The following AHNAK variants were observed in gnomAD, a reference collection of about 807,000 sequenced individuals.
AHNAK encodes the protein neuroblast differentiation-associated protein AHNAK.
A neutral mutation model predicts 37.8 loss-of-function variants in AHNAK; 23 were observed. The observed-to-expected ratio is 0.61, with a 90% confidence interval of 0.44 to 0.86. AHNAK has a LOEUF of 0.86. Ranked by LOEUF, AHNAK falls within the 40% of genes least tolerant of loss-of-function variation. The pLI is 0.00. For missense variants in AHNAK, 7,411 were observed against 7,319.4 expected (o/e 1.01, Z -0.46); for synonymous variants, 2,481 against 2,636.3 (o/e 0.94, Z 1.80).
At chr11:62,478,032 AG>A (rs1458963778) in intron 5 of AHNAK, among the ~76,000 whole-genome samples, 5 of 152,108 alleles carry the variant, frequency 3.3e-5, no homozygotes, top group Non-Finnish European at 7.4e-5. Context: ...CCAAGAGCAA[AG>A]GGAAGTCAGG....
intron 5 of AHNAK, among the ~76,000 whole-genome samples, chr11:62,450,200 G>A (rs1938506117): frequency 6.6e-6 from 1 of 150,782 alleles, no homozygotes; most frequent in Admixed American, 6.6e-5. Flanking sequence ...TTGTCATCCA[G>A]GCTGCAGTGC....
intron 5 of AHNAK, among the ~76,000 whole-genome samples, chr11:62,445,676 AC>A (rs2039887956): frequency 6.6e-6 from 1 of 152,114 alleles, no homozygotes; most frequent in Non-Finnish European, 1.5e-5. Flanking sequence ...CCACGATTGT[AC>A]CTCTGCACTC....
Position 62,524,300 on chromosome 11 carries a change from C to T in AHNAK, c.10117G>A (p.Gly3373Ser). 6.2e-7 allele frequency: 1 copy of T among 1,613,776 alleles called. No homozygotes were observed. The highest frequency in any genetic ancestry group is 8.5e-7 in the Non-Finnish European group (1 of 1,179,972). ...GTTATGTCAATATCTGGCTTTTTAC[C>T]TTTGACATCCACTTCAGGTGTCTGA... ...KVQTPEVDVKGKKPDIDITGP... is the reference protein window; with the variant it reads ...KVQTPEVDVKSKKPDIDITGP... Residue 3373 changes from glycine (G) to serine (S), a missense_variant, in exon 5 of 5, where the codon GGT (glycine) becomes AGT (serine). Coordinates refer to ENST00000378024, the MANE Select transcript of AHNAK (RefSeq NM_001620.3).
intron 5 of AHNAK, among the ~76,000 whole-genome samples, chr11:62,463,779 T>G (rs1938843368): frequency 6.6e-6 from 1 of 152,020 alleles, no homozygotes; most frequent in South Asian, 2.1e-4. Flanking sequence ...TTTGTTTTTT[T>G]GGGAGACAGA....
intron 5 of AHNAK, among the ~76,000 whole-genome samples, chr11:62,449,246 T>A (rs1938482828): frequency 6.6e-6 from 1 of 152,192 alleles, no homozygotes; most frequent in Non-Finnish European, 1.5e-5. Flanking sequence ...AGCTATGCTC[T>A]CTCCTTCCGT....
intron 1 of AHNAK, among the ~76,000 whole-genome samples, chr11:62,545,050 A>G (rs1004108435): frequency 2.0e-5 from 3 of 152,202 alleles, no homozygotes; most frequent in African/African-American, 7.2e-5. Flanking sequence ...ACAGAGGTAG[A>G]TATCTCGGTC....
intron 5 of AHNAK, among the ~76,000 whole-genome samples, chr11:62,489,650 G>A (rs990388834): frequency 3.9e-5 from 6 of 152,110 alleles, no homozygotes; most frequent in African/African-American, 1.2e-4. Flanking sequence ...CGGTAAGGAC[G>A]GGGATGGAGA....
At chr11:62,438,692 T>G (rs1053145497) in intron 5 of AHNAK, among the ~76,000 whole-genome samples, 2 of 152,184 alleles carry the variant, frequency 1.3e-5, no homozygotes, top group East Asian at 3.8e-4. Context: ...ATTTTTCTTC[T>G]GTGGTTAGTG....
intron 5 of AHNAK, among the ~76,000 whole-genome samples, chr11:62,470,315 ATG>A (rs1939008014): frequency 6.6e-6 from 1 of 152,096 alleles, no homozygotes; most frequent in South Asian, 2.1e-4. Context: ...GCATGGTGGC[ATG>A]CGCCTGTAAT....
rs780911345 is a variant in AHNAK at position 62,523,691 on chromosome 11, C to G, written c.10726G>C (p.Glu3576Gln). 6.2e-7 allele frequency: 1 copy of G among 1,613,788 alleles called. No individual in the cohort carries two copies. The highest frequency in any genetic ancestry group is 8.5e-7 in the Non-Finnish European group (1 of 1,179,948). Residue 3576 changes from glutamate to glutamine, a missense_variant, in exon 5 of 5, where the codon GAG (glutamate) becomes CAG (glutamine). Coordinates refer to ENST00000378024, the MANE Select transcript of AHNAK (RefSeq NM_001620.3). ...ACTTTAGGGCCTTTGATATCAACCT[C>G]TGGCCCTTTCAGATCCCCTTCAAGT... The part of the protein sequence containing the change: ...PKLEGDLKGP[E>Q]VDIKGPKVDI...
chr11:62,527,417 C>A lies in AHNAK; in HGVS notation c.7000G>T (p.Ala2334Ser), dbSNP rs1940537389. 1 of 1,614,180 alleles carries A rather than the reference C, an allele frequency of 6.2e-7. No individual in the cohort carries two copies. Among genetic ancestry groups the A allele is most frequent in the Non-Finnish European group, 8.5e-7 (1 of 1,180,020 alleles). ...TTTAACTCTCCCTCCAGCTTTGGGGCAGAAACATCAACATCTCCTTTGATT... is the reference window on the plus strand; with the variant it reads ...TTTAACTCTCCCTCCAGCTTTGGGGAAGAAACATCAACATCTCCTTTGATT... ...PKIKGDVDVSAPKLEGELKGP... is the reference protein window; with the variant it reads ...PKIKGDVDVSSPKLEGELKGP... Residue 2334 changes from alanine (A) to serine (S), a missense_variant, in exon 5 of 5, where the codon GCC becomes TCC. Ala to Ser is a moderately conservative substitution (Grantham distance 99). Coordinates refer to ENST00000378024, the MANE Select transcript of AHNAK (RefSeq NM_001620.3).
rs771468446 is a variant in AHNAK at position 62,530,698 on chromosome 11, G to A, written c.3719C>T (p.Ala1240Val). Reference protein sequence around the residue: ...EIKGPKMDIDAPDVEVQGPDW... With the variant: ...EIKGPKMDIDVPDVEVQGPDW... ...TGGGCCTTGAACCTCCACATCTGGGGCATCAATGTCCATTTTGGGTCCTTT... is the reference window on the plus strand; with the variant it reads ...TGGGCCTTGAACCTCCACATCTGGGACATCAATGTCCATTTTGGGTCCTTT... Residue 1240 changes from alanine (A) to valine (V), a missense_variant, in exon 5 of 5, where the codon GCC becomes GTC. Transcript: ENST00000378024. 6.2e-7 allele frequency: 1 copy of A among 1,613,468 alleles called. No individual in the cohort carries two copies. The highest frequency in any genetic ancestry group is 1.1e-5 in the South Asian group (1 of 91,052).
At chr11:62,465,574 T>C (rs941914982) in intron 5 of AHNAK, among the ~76,000 whole-genome samples, 6 of 151,804 alleles carry the variant, frequency 4.0e-5, no homozygotes, top group East Asian at 1.9e-4. Context: ...GATCGTGCCA[T>C]TGCACTCCAG....
At chr11:62,492,107 CT>C (rs1306054578) in intron 4 of AHNAK, among the ~76,000 whole-genome samples, 1 of 152,150 alleles carries the variant, frequency 6.6e-6, no homozygotes, top group African/African-American at 2.4e-5. Context: ...ACAATGCTAT[CT>C]CCGGTTCATC....
intron 1 of AHNAK, among the ~76,000 whole-genome samples, chr11:62,540,636 C>T (rs930887798): frequency 4.6e-5 from 7 of 152,128 alleles, no homozygotes; most frequent in African/African-American, 1.7e-4. Flanking sequence ...ATGGCAAAAC[C>T]CTATCTCTAT....
Position 62,522,307 on chromosome 11 carries a change from A to G in AHNAK, c.12110T>C (p.Ile4037Thr). 1 of 1,613,208 alleles carries G rather than the reference A, an allele frequency of 6.2e-7. No homozygotes were observed. The highest frequency in any genetic ancestry group is 8.5e-7 in the Non-Finnish European group (1 of 1,179,822). Residue 4037 changes from isoleucine (I) to threonine (T), a missense_variant, in exon 5 of 5, where the codon ATC becomes ACC. Physicochemically the swap from Ile to Thr is moderately conservative, Grantham distance 89 (BLOSUM62 -1). Transcript: ENST00000378024. ...EGDLKAPEVD[I>T]KGPKVDIDAP... ...ATCAATGTCCACTTTGGGGCCCTTGATGTCAACTTCAGGGGCCTTTAGATC... is the reference window on the plus strand; with the variant it reads ...ATCAATGTCCACTTTGGGGCCCTTGGTGTCAACTTCAGGGGCCTTTAGATC...
chr11:62,451,342 C>T (rs1434269685), intron 5 of AHNAK, among the ~76,000 whole-genome samples: 1 of 151,022 alleles, frequency 6.6e-6, no homozygotes, highest in Non-Finnish European at 1.5e-5. Context: ...CCTATGTCCA[C>T]TCTAGGCCCT....
chr11:62,494,440 C>A (rs888600592), intron 4 of AHNAK, among the ~76,000 whole-genome samples: 1 of 151,934 alleles, frequency 6.6e-6, no homozygotes, highest in Non-Finnish European at 1.5e-5. Flanking sequence ...TACCACATGC[C>A]AAACGATTTT....
Position 62,519,087 on chromosome 11 carries a change from G to C in AHNAK, c.15330C>G (p.Ser5110Arg). ...CCTGGAGTTCACCCTCCAGTTTGGG[G>C]CTAGGGAGAGGGGCCTCAGCTTTAA... ...PKFKAEAPLP[S>R]PKLEGELQAP... The change falls in exon 5 of 5, where the codon AGC (serine) becomes AGG (arginine). Residue 5110 changes from serine (S) to arginine (R), a missense_variant. By Grantham distance (110) the Ser-to-Arg change is moderately radical (BLOSUM62 -1). Transcript: ENST00000378024. 1 of 1,613,690 alleles carries C rather than the reference G, an allele frequency of 6.2e-7. No individual in the cohort carries two copies. Among genetic ancestry groups the C allele is most frequent in the South Asian group, 1.1e-5 (1 of 90,970 alleles).
Sources: allele counts gnomAD v4.1 joint callset (sites outside exome capture counted in the v4.1 genomes callset), GRCh38; gene constraint gnomAD v4.1.1; transcripts MANE v1.5; gene names NCBI Gene and HGNC (gene_info 2026-07-23, HGNC 2026-07-21).